TOX3: variants seen among roughly 807,000 people sequenced by gnomAD.
The protein encoded by TOX3 is TOX high mobility group box family member 3.
In TOX3, 22 loss-of-function variants were observed where a neutral mutation model predicts 64.3. The observed-to-expected ratio is 0.34, with a 90% confidence interval of 0.24 to 0.49. The LOEUF is 0.49. TOX3 is among the 20% of genes least tolerant of loss of function. TOX3 has a pLI of 0.99. For synonymous variants in TOX3, 291 were observed against 273.6 expected (o/e 1.06, Z -0.63); for missense variants, 661 against 714.4 (o/e 0.93, Z 0.85).
intron 3 of TOX3, among the ~76,000 whole-genome samples, chr16:52,461,001 A>C (rs1960671125): frequency 6.6e-6 from 1 of 152,186 alleles, no homozygotes; most frequent in African/African-American, 2.4e-5. Flanking sequence ...ATGTCACAAT[A>C]GCTGTCTAGT....
chr16:52,543,329 G>A (rs1221370277), intron 1 of TOX3, among the ~76,000 whole-genome samples: 1 of 152,162 alleles, frequency 6.6e-6, no homozygotes, highest in African/African-American at 2.4e-5. Context: ...TCTGAAATCC[G>A]AAATGTTCCA....
chr16:52,545,644 G>A (rs887959126), intron 1 of TOX3, among the ~76,000 whole-genome samples: 2 of 152,182 alleles, frequency 1.3e-5, no homozygotes, highest in African/African-American at 2.4e-5. Context: ...AGGAGGAAGG[G>A]GAAAGAAAAC....
At chr16:52,447,240 C>G (rs1365945538) in intron 4 of TOX3, among the ~76,000 whole-genome samples, 1 of 152,190 alleles carries the variant, frequency 6.6e-6, no homozygotes, top group Non-Finnish European at 1.5e-5. Flanking sequence ...CAGTTAACTT[C>G]ATCAAGAATC....
intron 1 of TOX3, among the ~76,000 whole-genome samples, chr16:52,493,937 C>T (rs910079849): frequency 7.2e-5 from 11 of 152,196 alleles, no homozygotes; most frequent in African/African-American, 2.2e-4. Context: ...GCTCTTTAAA[C>T]ATTTATCTTC....
At chr16:52,504,104 T>C (rs890586465) in intron 1 of TOX3, among the ~76,000 whole-genome samples, 39 of 152,122 alleles carry the variant, frequency 2.6e-4, no homozygotes, top group Non-Finnish European at 8.8e-5. Context: ...ATGCCAGCCG[T>C]TCCTAGTTGA....
At chr16:52,448,153 T>C (rs1262256793) in intron 4 of TOX3, among the ~76,000 whole-genome samples, 1 of 152,188 alleles carries the variant, frequency 6.6e-6, no homozygotes, top group Non-Finnish European at 1.5e-5. Flanking sequence ...TTTTGTGTCA[T>C]TGACTTAAAA....
chr16:52,450,782 C>T (rs887557033), intron 3 of TOX3, among the ~76,000 whole-genome samples: 6 of 127,976 alleles, frequency 4.7e-5, no homozygotes, highest in African/African-American at 1.8e-4. Flanking sequence ...ATAGAACTGT[C>T]AGTGGATGTG....
At chr16:52,500,776 C>T (rs1354576454) in intron 1 of TOX3, among the ~76,000 whole-genome samples, 1 of 152,164 alleles carries the variant, frequency 6.6e-6, no homozygotes, top group East Asian at 1.9e-4. Context: ...AAATCTAAGA[C>T]ACCATTGATT....
intron 3 of TOX3, among the ~76,000 whole-genome samples, chr16:52,455,383 C>T (rs900224144): frequency 3.9e-5 from 6 of 152,050 alleles, no homozygotes; most frequent in Non-Finnish European, 8.8e-5. Flanking sequence ...CCTTTCCCTA[C>T]CGGGCTGTGA....
chr16:52,510,196 T>G (rs1023608011), intron 1 of TOX3, among the ~76,000 whole-genome samples: 5 of 152,090 alleles, frequency 3.3e-5, no homozygotes, highest in African/African-American at 1.2e-4. Flanking sequence ...CAAGGTGTTT[T>G]GTTTTTTTCC....
chr16:52,471,567 G>T (rs1160590469), intron 1 of TOX3, among the ~76,000 whole-genome samples: 1 of 152,140 alleles, frequency 6.6e-6, no homozygotes, highest in Non-Finnish European at 1.5e-5. Context: ...TGTGTTCACT[G>T]ACATCTCTCC....
At chr16:52,525,708 C>T (rs1231103797) in intron 1 of TOX3, among the ~76,000 whole-genome samples, 2 of 152,178 alleles carry the variant, frequency 1.3e-5, no homozygotes, top group Non-Finnish European at 2.9e-5. Flanking sequence ...CACACACACA[C>T]GCACACCATT....
At chr16:52,487,102 A>C (rs1287989811) in intron 1 of TOX3, among the ~76,000 whole-genome samples, 2 of 152,160 alleles carry the variant, frequency 1.3e-5, no homozygotes, top group Non-Finnish European at 2.9e-5. Flanking sequence ...TCCTTGGAAC[A>C]AATGGACAAA....
intron 1 of TOX3, among the ~76,000 whole-genome samples, chr16:52,507,449 G>T (rs1962189077): frequency 6.6e-6 from 1 of 152,178 alleles, no homozygotes; most frequent in Non-Finnish European, 1.5e-5. Flanking sequence ...AGGCTTTAAA[G>T]AACTGCTGCA....
intron 1 of TOX3, among the ~76,000 whole-genome samples, chr16:52,515,182 T>A (rs1338320393): frequency 7.5e-6 from 1 of 132,494 alleles, no homozygotes; most frequent in African/African-American, 3.1e-5. Flanking sequence ...TAGCTATGAA[T>A]GTTAAAAAAA....
chr16:52,450,137 A>G (rs1386401879), intron 4 of TOX3, 140 bp downstream of exon 4: 8 of 1,044,250 alleles, frequency 7.7e-6, no homozygotes, highest in Non-Finnish European at 1.1e-5. Context: ...AGAGTGAAGA[A>G]AAACAACAAA....
chr16:52,525,746 C>T (rs1962715512), intron 1 of TOX3, among the ~76,000 whole-genome samples: 1 of 152,170 alleles, frequency 6.6e-6, no homozygotes, highest in South Asian at 2.1e-4. Flanking sequence ...TTTGTCCACT[C>T]CCTCTCTTCC....
chr16:52,503,741 G>A (rs1322374761), intron 1 of TOX3, among the ~76,000 whole-genome samples: 4 of 152,100 alleles, frequency 2.6e-5, no homozygotes, highest in African/African-American at 9.7e-5. Flanking sequence ...TTAAAGAGCT[G>A]TTATTTTAAG....
At chr16:52,532,015 G>A (rs939535682) in intron 1 of TOX3, among the ~76,000 whole-genome samples, 1 of 152,154 alleles carries the variant, frequency 6.6e-6, no homozygotes, top group Non-Finnish European at 1.5e-5. Flanking sequence ...AGGGGAGTTT[G>A]GGGGGCAGTG....
Sources: gnomAD v4.1 joint callset for allele counts (sites outside exome capture counted in the v4.1 genomes callset) on GRCh38, gnomAD v4.1.1 for gene constraint, MANE v1.5 for transcripts, NCBI Gene and HGNC (gene_info 2026-07-23, HGNC 2026-07-21) for gene names.